The following CLIC6 variants were observed in gnomAD, a reference collection of about 807,000 sequenced individuals.
The protein encoded by CLIC6 is chloride intracellular channel protein 6.
A neutral mutation model predicts 49.2 loss-of-function variants in CLIC6; 39 were observed. The ratio of observed to expected loss-of-function variants is 0.79; its 90% CI spans 0.61 to 1.04. CLIC6 has a LOEUF of 1.04. CLIC6 is among the 50% of genes least tolerant of loss of function. The pLI is 0.00. For missense variants in CLIC6, 988 were observed against 993.1 expected (o/e 0.99, Z 0.07); for synonymous variants, 446 against 433.4 (o/e 1.03, Z -0.36).
intron 1 of CLIC6, among the ~76,000 whole-genome samples, chr21:34,674,993 G>A (rs770035743): frequency 4.6e-5 from 7 of 152,114 alleles, no homozygotes; most frequent in Non-Finnish European, 8.8e-5. Context: ...GACAGTCTGA[G>A]CTACGGCTTT....
intron 1 of CLIC6, among the ~76,000 whole-genome samples, chr21:34,706,646 G>A (rs1376588044): frequency 1.3e-5 from 2 of 152,116 alleles, no homozygotes; most frequent in Admixed American, 1.3e-4. Flanking sequence ...TCATAGACAA[G>A]TTTGCCCTCT....
At chr21:34,707,439 A>ACG in intron 2 of CLIC6, 50 bp downstream of exon 2, 2 of 383,700 alleles carry the variant, frequency 5.2e-6, no homozygotes, top group Non-Finnish European at 1.0e-5. Flanking sequence ...AGTTCTCTGC[A>ACG]CACACACACA....
rs188327452 is a variant in CLIC6, at chr21:34,716,530, C to T, written c.*48C>T. ...TTTCTCAGTTGAGTGAGCAAGGATA[C>T]GAAAACAGTGTGTTTGAAAACAAAT... is the stretch of plus-strand genomic sequence containing the variant. On this transcript the variant is annotated 3_prime_UTR_variant, in exon 6 of 6. Coordinates refer to ENST00000349499, the MANE Select transcript of CLIC6 (RefSeq NM_053277.3). 3.2e-4 allele frequency: 482 copies of T among 1,491,970 alleles called. No homozygotes were observed. Among genetic ancestry groups the T allele is most frequent in the Non-Finnish European group, 4.2e-4 (460 of 1,104,862 alleles). The allele number at this position is 1,491,970 out of a possible 1,614,324, so 92.4% of individuals were successfully genotyped here. A position where few individuals can be genotyped will look rare whatever the true frequency, so the allele number is the denominator to read the frequency against.
intron 1 of CLIC6, among the ~76,000 whole-genome samples, chr21:34,677,101 G>A (rs938819124): frequency 4.6e-5 from 7 of 152,098 alleles, no homozygotes; most frequent in Non-Finnish European, 1.0e-4. Context: ...GCTAAAATCC[G>A]TGCTTGTATT....
intron 5 of CLIC6, among the ~76,000 whole-genome samples, chr21:34,715,555 C>A (rs2056081149): frequency 6.6e-6 from 1 of 152,186 alleles, no homozygotes; most frequent in South Asian, 2.1e-4. Flanking sequence ...AATCAGTAAA[C>A]TTCTGTTGTT....
In CLIC6 at chr21:34,670,379, G is replaced by T; in HGVS notation, c.991G>T (p.Ala331Ser). The change falls in exon 1 of 6, where the codon GCG (alanine) becomes TCG (serine). Residue 331 changes from alanine to serine, a missense_variant. Physicochemically the swap from Ala to Ser is moderately conservative, Grantham distance 99. Around this residue, in one of 3 missense-constraint regions of CLIC6, gnomAD observed 647 missense variants for 596.9 expected, o/e 1.08. Coordinates refer to ENST00000349499, the MANE Select transcript of CLIC6 (RefSeq NM_053277.3). ...CCCCGGTGAGCTCGCCTGGGACGCA[G>T]CGGAGGAGGCGGAGGTCCCGGGGGT... ...RSPGELAWDAAEEAEVPGVKG... is the reference protein window; with the variant it reads ...RSPGELAWDASEEAEVPGVKG... 6.9e-7 allele frequency: 1 copy of T among 1,453,540 alleles called. No individual in the cohort carries two copies. The highest frequency in any genetic ancestry group is 1.5e-5 in the South Asian group (1 of 68,898). The allele number at this position is 1,453,540 out of a possible 1,614,324, so 90.0% of individuals were successfully genotyped here. A position where few individuals can be genotyped will look rare whatever the true frequency, so the allele number is the denominator to read the frequency against.
Position 34,701,946 on chromosome 21 carries a change from C to T in CLIC6, c.1375-5334C>T, listed in dbSNP as rs575483418. Among the ~76,000 whole-genome samples the T allele has an allele frequency of 5.3e-5, 8 of 152,056 alleles. No homozygotes were observed. The South Asian group carries it at 1.5e-3, about 28-fold the overall frequency. Reference sequence around the variant, plus strand: ...TCTCCCACCTCCTCTTCTCCTCCTCCCGTAGATGTGACTCTCGGTGGGTGA... The same window carrying T: ...TCTCCCACCTCCTCTTCTCCTCCTCTCGTAGATGTGACTCTCGGTGGGTGA... On this transcript the variant is annotated intron_variant, in intron 1 of 5. Transcript: ENST00000349499.
At chr21:34,700,759 C>T (rs1990174318) in intron 1 of CLIC6, among the ~76,000 whole-genome samples, 1 of 139,542 alleles carries the variant, frequency 7.2e-6, no homozygotes, top group Non-Finnish European at 1.5e-5. Context: ...TCAGAAGGGA[C>T]CTTAGCCTTT....
intron 1 of CLIC6, among the ~76,000 whole-genome samples, chr21:34,674,282 A>T (rs76372104): frequency 0.031 from 4,753 of 152,186 alleles, 249 homozygotes; most frequent in African/African-American, 0.11. Flanking sequence ...GTAGAGACAG[A>T]GGTCTCACTT....
chr21:34,691,968 T>G (rs1262318350), intron 1 of CLIC6, among the ~76,000 whole-genome samples: 2 of 152,236 alleles, frequency 1.3e-5, no homozygotes, highest in Non-Finnish European at 2.9e-5. Context: ...TGCTATTTTT[T>G]TCAGTATTCC....
intron 1 of CLIC6, among the ~76,000 whole-genome samples, chr21:34,701,425 C>T (rs1990188957): frequency 1.3e-5 from 2 of 151,728 alleles, no homozygotes; most frequent in Non-Finnish European, 1.5e-5. Context: ...TAATTGTCTG[C>T]TCTGGTGTGT....
intron 1 of CLIC6, among the ~76,000 whole-genome samples, chr21:34,674,931 C>G (rs1989633793): frequency 6.6e-6 from 1 of 152,162 alleles, no homozygotes; most frequent in Non-Finnish European, 1.5e-5. Flanking sequence ...TTGCTTACGG[C>G]TTTGGTTCCC....
chr21:34,702,740 G>T (rs1364804435), intron 1 of CLIC6, among the ~76,000 whole-genome samples: 3 of 152,176 alleles, frequency 2.0e-5, no homozygotes, highest in Admixed American at 1.3e-4. Context: ...GCAAAAGGCC[G>T]GGAAGGGATT....
At chr21:34,706,046 G>A in intron 1 of CLIC6, 1 of 685,352 alleles carries the variant, frequency 1.5e-6, no homozygotes, top group Non-Finnish European at 2.7e-6. Context: ...ACTGCATTAG[G>A]CTGTTCTCGC....
intron 1 of CLIC6, among the ~76,000 whole-genome samples, chr21:34,699,745 C>A (rs1990153978): frequency 6.6e-6 from 1 of 152,050 alleles, no homozygotes; most frequent in African/African-American, 2.4e-5. Flanking sequence ...CACAGATACA[C>A]GTGAAGTGAG....
intron 1 of CLIC6, among the ~76,000 whole-genome samples, chr21:34,689,878 C>T (rs1601272585): frequency 6.6e-6 from 1 of 152,142 alleles, no homozygotes; most frequent in Non-Finnish European, 1.5e-5. Flanking sequence ...ATTTTTGATT[C>T]ACCCCAACAC....
intron 1 of CLIC6, among the ~76,000 whole-genome samples, chr21:34,685,426 G>A (rs1367566179): frequency 6.6e-6 from 1 of 152,362 alleles, no homozygotes; most frequent in Middle Eastern, 3.4e-3. Flanking sequence ...TGGAGATCCA[G>A]TGATACTCTT....
chr21:34,706,126 C>A, intron 1 of CLIC6: 1 of 650,552 alleles, frequency 1.5e-6, no homozygotes, highest in Non-Finnish European at 2.8e-6. Flanking sequence ...TCAAATGCTG[C>A]AGGCTTTGTA....
chr21:34,707,846 AG>A lies in CLIC6; in HGVS notation c.1485-97del, dbSNP rs1307547382. 11 of 1,308,368 alleles carry A rather than the reference AG, an allele frequency of 8.4e-6. No individual in the cohort carries two copies. In the Admixed American group the frequency reaches 2.0e-4, roughly 24 times the overall value. The allele number at this position is 1,308,368 out of a possible 1,614,324, so 81.0% of individuals were successfully genotyped here. A position where few individuals can be genotyped will look rare whatever the true frequency, so the allele number is the denominator to read the frequency against. ...CACCATCTACTTTGCAGTTCTCAAGAGTTGCTTCTCTTAAACTGGTGAGGAC... is the reference window on the plus strand; with the variant it reads ...CACCATCTACTTTGCAGTTCTCAAGATTGCTTCTCTTAAACTGGTGAGGAC... On this transcript the variant is annotated intron_variant, in intron 2 of 5. Transcript: ENST00000349499.
Sources: gnomAD v4.1 joint callset for allele counts (sites outside exome capture counted in the v4.1 genomes callset) on GRCh38, gnomAD v4.1.1 for gene constraint, gnomAD v4.1.1 regional missense constraint, MANE v1.5 for transcripts, NCBI Gene and HGNC (gene_info 2026-07-23, HGNC 2026-07-21) for gene names.